FMO3: variants seen among roughly 807,000 people sequenced by gnomAD.
FMO3 encodes the protein flavin-containing monooxygenase 3.
FMO3 carries 40 observed loss-of-function variants against 39.4 expected under a neutral mutation model. That is an observed-to-expected ratio of 1.02 (90% CI 0.79 to 1.32). The LOEUF (loss-of-function observed/expected upper bound fraction) is 1.32. Among genes scored for constraint, FMO3 ranks in the 40% most tolerant of loss-of-function variants. The pLI is 0.00. For synonymous variants in FMO3, 219 were observed against 228.8 expected (o/e 0.96, Z 0.39); for missense variants, 680 against 651.8 (o/e 1.04, Z -0.47).
Position 171,110,837 on chromosome 1 carries a change from C to T in FMO3, c.667C>T (p.Arg223Trp), listed in dbSNP as rs762600525. 68 of 1,613,806 alleles carry T rather than the reference C, an allele frequency of 4.2e-5. No homozygotes were observed. The highest frequency in any genetic ancestry group is 8.8e-5 in the South Asian group (8 of 91,084). Reference protein sequence around the residue: ...SSRSGSWVMSRVWDNGYPWDM... With the variant: ...SSRSGSWVMSWVWDNGYPWDM... ...CAGAAGTGGCTCCTGGGTGATGAGC[C>T]GGGTCTGGGACAATGGTTATCCTTG... Residue 223 changes from arginine to tryptophan, a missense_variant, in exon 6 of 9, where the codon CGG (arginine) becomes TGG (tryptophan). Physicochemically the swap from Arg to Trp is moderately radical, Grantham distance 101 (BLOSUM62 -3). Transcript: ENST00000367755.
At chr1:171,092,381 A>G (rs999696052) in intron 1 of FMO3, among the ~76,000 whole-genome samples, 3 of 151,876 alleles carry the variant, frequency 2.0e-5, no homozygotes, top group African/African-American at 4.8e-5. Context: ...CACCACACCC[A>G]GCTGATTTTG....
chr1:171,112,158 T>C (rs1369534679), intron 6 of FMO3, among the ~76,000 whole-genome samples: 2 of 151,964 alleles, frequency 1.3e-5, no homozygotes, highest in Non-Finnish European at 2.9e-5. Flanking sequence ...GAAAAGAGAA[T>C]GAGGGGAGAA....
At chr1:171,101,880 G>A (rs991222159) in intron 2 of FMO3, 3 of 374,460 alleles carry the variant, frequency 8.0e-6, no homozygotes, top group African/African-American at 6.5e-5. Flanking sequence ...ATGAATAGTG[G>A]CTTTCTTCTG....
At chr1:171,096,649 TATTTTATATTTAAAATA>T (rs1655088493) in intron 2 of FMO3, among the ~76,000 whole-genome samples, 2 of 93,518 alleles carry the variant, frequency 2.1e-5, no homozygotes, top group African/African-American at 3.9e-5. Flanking sequence ...ATACATAATA[TATTTTATATTTAAAATA>T]TATATTTTAT....
intron 3 of FMO3, among the ~76,000 whole-genome samples, chr1:171,106,436 G>A (rs775421479): frequency 3.3e-5 from 5 of 152,082 alleles, no homozygotes; most frequent in Non-Finnish European, 5.9e-5. Context: ...CACCATGCCT[G>A]GTCTTAGAAA....
chr1:171,116,989 G>A, intron 8 of FMO3, 111 bp from the exon 9 acceptor site: 1 of 822,580 alleles, frequency 1.2e-6, no homozygotes, highest in East Asian at 2.5e-5. Flanking sequence ...TTTAGAAAGA[G>A]AGAGAGATTG....
chr1:171,096,040 TTATATATAAATATATAATATATA>T (rs1654989836), intron 2 of FMO3, among the ~76,000 whole-genome samples: 1 of 62,894 alleles, frequency 1.6e-5, no homozygotes, highest in South Asian at 6.1e-4. Flanking sequence ...ATAATATATA[TTATATATAAATATATAATATATA>T]TTATATATTA....
intron 2 of FMO3, among the ~76,000 whole-genome samples, chr1:171,097,555 T>C (rs2101900824): frequency 7.5e-6 from 1 of 134,186 alleles, no homozygotes; most frequent in East Asian, 2.0e-4. Context: ...TGGTGAGCAT[T>C]TTTTCATGTG....
At position 171,092,694 on chromosome 1, in the gene FMO3, G is replaced by A; in HGVS notation, c.36G>A (p.Val12=). The change falls in exon 2 of 9, where the codon GTG becomes GTA. Residue 12 remains valine, a synonymous_variant. Coordinates refer to ENST00000367755, the MANE Select transcript of FMO3 (RefSeq NM_001002294.3). ...GKKVAIIGAG[V]SGLASIRSCL... Reference sequence around the variant, plus strand: ...AAGTGGCCATCATTGGAGCTGGTGTGAGTGGCTTGGCCTCCATCAGGAGCT... The same window carrying A: ...AAGTGGCCATCATTGGAGCTGGTGTAAGTGGCTTGGCCTCCATCAGGAGCT... 1 of 1,614,180 alleles carries A rather than the reference G, an allele frequency of 6.2e-7. No individual in the cohort carries two copies. Among genetic ancestry groups the A allele is most frequent in the Non-Finnish European group, 8.5e-7 (1 of 1,180,024 alleles).
At chr1:171,105,473 C>T (rs895326524) in intron 3 of FMO3, among the ~76,000 whole-genome samples, 66 of 152,144 alleles carry the variant, frequency 4.3e-4, no homozygotes, top group African/African-American at 1.4e-3. Context: ...CACTGACTTC[C>T]ACAATGGTTG....
intron 2 of FMO3, among the ~76,000 whole-genome samples, chr1:171,096,071 T>A (rs1374427029): frequency 3.7e-5 from 2 of 53,668 alleles, no homozygotes; most frequent in African/African-American, 1.0e-4. Flanking sequence ...ATATTATATA[T>A]TAATATATAA....
rs145494792 is a variant in FMO3 at position 171,102,399 on chromosome 1, G to C, written c.133-1386G>C. On this transcript the variant is annotated intron_variant, in intron 2 of 8. Transcript: ENST00000367755. ...TGATGCTTCAACAGAGCTAAACCAA[G>C]GCTCCACCTCTTCCTAATCATGCTC... Among the ~76,000 whole-genome samples the C allele has an allele frequency of 1.9e-3, 282 of 152,174 alleles. 3 individuals carry two copies. The highest frequency in any genetic ancestry group is 6.6e-3 in the African/African-American group (274 of 41,524).
intron 2 of FMO3, among the ~76,000 whole-genome samples, chr1:171,103,081 A>G (rs917217776): frequency 1.2e-4 from 18 of 152,176 alleles, no homozygotes; most frequent in African/African-American, 2.4e-5. Flanking sequence ...GCTTTTATAA[A>G]TTGACCATTA....
intron 5 of FMO3, 60 bp downstream of exon 5, chr1:171,108,281 G>T: frequency 6.3e-7 from 1 of 1,594,944 alleles, no homozygotes; most frequent in Non-Finnish European, 8.6e-7. Flanking sequence ...ATTATCGTTT[G>T]AAAGGTGTGA....
intron 2 of FMO3, among the ~76,000 whole-genome samples, chr1:171,099,230 A>G (rs1655242789): frequency 6.6e-6 from 1 of 152,112 alleles, no homozygotes; most frequent in African/African-American, 2.4e-5. Flanking sequence ...CTTAATCCTG[A>G]GTTCTAGTTT....
rs778021655 is a variant in FMO3, at chr1:171,110,896, C to T, written c.726C>T (p.Phe242=). 2 of 1,613,982 alleles carry T rather than the reference C, an allele frequency of 1.2e-6. No individual in the cohort carries two copies. The highest frequency in any genetic ancestry group is 1.1e-5 in the South Asian group (1 of 91,080). ...DMLLVTRFGT[F]LKNNLPTAIS... The stretch of plus-strand genomic sequence containing the variant: ...TGCTCGTCACTCGATTTGGAACCTT[C>T]CTCAAGAACAATTTACCGACAGCCA... The change falls in exon 6 of 9, where the codon TTC becomes TTT. Residue 242 remains phenylalanine, a synonymous_variant. Coordinates refer to ENST00000367755, the MANE Select transcript of FMO3 (RefSeq NM_001002294.3).
At chr1:171,100,988 T>G (rs1299868987) in intron 2 of FMO3, 1 of 385,032 alleles carries the variant, frequency 2.6e-6, no homozygotes, top group Non-Finnish European at 5.1e-6. Context: ...AGAGGGAGAT[T>G]TAACACAAAG....
intron 7 of FMO3, among the ~76,000 whole-genome samples, chr1:171,115,915 T>G (rs1184870152): frequency 6.6e-6 from 1 of 152,270 alleles, no homozygotes; most frequent in Non-Finnish European, 1.5e-5. Context: ...AATTCACCTC[T>G]GTTTGGCTAT....
chr1:171,114,419 T>C, intron 7 of FMO3, 57 bp downstream of exon 7: 2 of 1,257,054 alleles, frequency 1.6e-6, no homozygotes, highest in Non-Finnish European at 2.3e-6. Context: ...ACAATAACTT[T>C]GGATCTTTGT....
Sources: gnomAD v4.1 joint callset for allele counts (sites outside exome capture counted in the v4.1 genomes callset) on GRCh38, gnomAD v4.1.1 for gene constraint, MANE v1.5 for transcripts, NCBI Gene and HGNC (gene_info 2026-07-23, HGNC 2026-07-21) for gene names.